Variants in UNC13B observed in about 807,000 individuals in gnomAD.
UNC13B encodes the protein unc-13 homolog B.
Under a neutral mutation model 211.0 loss-of-function variants are expected in UNC13B, and 144 were observed. That is an observed-to-expected ratio of 0.68 (90% CI 0.60 to 0.78). The LOEUF is 0.78. UNC13B is among the 30% of genes least tolerant of loss of function. The pLI is 0.00. For synonymous variants in UNC13B, 709 were observed against 725.8 expected, an observed-to-expected ratio of 0.98 and a Z score of 0.37; for missense variants, 1,777 against 2,002.0, an observed-to-expected ratio of 0.89 and a Z score of 2.14.
At chr9:35,286,630 C>G (rs1260450184) in intron 7 of UNC13B, among the ~76,000 whole-genome samples, 2 of 151,954 alleles carry the variant, frequency 1.3e-5, no homozygotes, top group Non-Finnish European at 2.9e-5. Context: ...GAGGCTGAAG[C>G]AGTAGGATGA....
Position 35,306,530 on chromosome 9 carries a change from T to C in UNC13B, c.7126T>C (p.Phe2376Leu), listed in dbSNP as rs1829931169. The change falls in exon 9 of 40, where the codon TTT (phenylalanine) becomes CTT (leucine). Residue 2376 changes from phenylalanine (F) to leucine (L), a missense_variant. Transcript: ENST00000635942. ...AFPSDSLSNS[F>L]SHAKQLIEKF... ...CCCCAGTGACTCACTGTCCAACTCTTTTTCACATGCTAAACAGTTAATTGA... is the reference window on the plus strand; with the variant it reads ...CCCCAGTGACTCACTGTCCAACTCTCTTTCACATGCTAAACAGTTAATTGA... The C allele has an allele frequency of 2.5e-6, 1 of 398,868 alleles. No individual in the cohort carries two copies. Among genetic ancestry groups the C allele is most frequent in the South Asian group, 1.3e-4 (1 of 7,856 alleles). The allele number at this position is 398,868 out of a possible 1,614,324, so 24.7% of individuals were successfully genotyped here.
chr9:35,367,433 A>G (rs1292538841), intron 12 of UNC13B, among the ~76,000 whole-genome samples: 1 of 152,216 alleles, frequency 6.6e-6, no homozygotes, highest in Non-Finnish European at 1.5e-5. Context: ...ATACAGGCAT[A>G]CAGTGTGTAA....
At chr9:35,236,096 A>C (rs1825490983) in intron 3 of UNC13B, among the ~76,000 whole-genome samples, 1 of 150,692 alleles carries the variant, frequency 6.6e-6, no homozygotes, top group Non-Finnish European at 1.5e-5. Flanking sequence ...TCAAGGTAGT[A>C]AATATATTTA....
At chr9:35,375,598 G>C (rs143260887) in intron 14 of UNC13B, among the ~76,000 whole-genome samples, 1 of 152,324 alleles carries the variant, frequency 6.6e-6, no homozygotes, top group African/African-American at 2.4e-5. Context: ...GGCCAGGATA[G>C]AGCATCTTCT....
intron 1 of UNC13B, among the ~76,000 whole-genome samples, chr9:35,189,575 C>T (rs1262769612): frequency 2.6e-5 from 4 of 152,116 alleles, no homozygotes; most frequent in Non-Finnish European, 1.5e-5. Context: ...TTCTTTAACC[C>T]AATTAGAGCT....
intron 8 of UNC13B, among the ~76,000 whole-genome samples, chr9:35,297,129 C>T (rs1419673218): frequency 7.0e-6 from 1 of 143,788 alleles, no homozygotes; most frequent in Non-Finnish European, 1.5e-5. Context: ...CACTCTGTCT[C>T]CCAGGCTGGA....
Position 35,381,157 on chromosome 9 carries a change from A to G in UNC13B, c.10433A>G (p.Glu3478Gly), listed in dbSNP as rs376863483. 6.2e-7 allele frequency: 1 copy of G among 1,614,062 alleles called. No individual in the cohort carries two copies. The highest frequency in any genetic ancestry group is 1.3e-5 in the African/African-American group (1 of 74,936). ...GCTATCCGACTACAAATCAGTGTGGAGATCAAGGGGGAGGAGAAAGTAGCC... is the reference window on the plus strand; with the variant it reads ...GCTATCCGACTACAAATCAGTGTGGGGATCAAGGGGGAGGAGAAAGTAGCC... ...SGAIRLQISV[E>G]IKGEEKVAPY... The change falls in exon 19 of 40, where the codon GAG becomes GGG. Residue 3478 changes from glutamate to glycine, a missense_variant. Transcript: ENST00000635942.
intron 1 of UNC13B, among the ~76,000 whole-genome samples, chr9:35,171,679 C>A (rs1212508018): frequency 6.6e-6 from 1 of 152,204 alleles, no homozygotes; most frequent in African/African-American, 2.4e-5. Flanking sequence ...TCTGAGGTGA[C>A]ATGCATGAGC....
At chr9:35,261,097 A>G (rs1827246957) in intron 7 of UNC13B, among the ~76,000 whole-genome samples, 1 of 152,134 alleles carries the variant, frequency 6.6e-6, no homozygotes, top group African/African-American at 2.4e-5. Context: ...TGTTAAACCT[A>G]TAGAAAAGTT....
chr9:35,345,083 G>GT (rs1008476150), intron 11 of UNC13B, among the ~76,000 whole-genome samples: 9 of 152,170 alleles, frequency 5.9e-5, no homozygotes, highest in Admixed American at 1.3e-4. Context: ...ATAGAGATGG[G>GT]TTTTTTTGTG....
At chr9:35,343,494 A>G (rs1012092503) in intron 11 of UNC13B, among the ~76,000 whole-genome samples, 1 of 152,178 alleles carries the variant, frequency 6.6e-6, no homozygotes, top group Non-Finnish European at 1.5e-5. Flanking sequence ...TGAAAGGGTC[A>G]GGTGGAGAGG....
intron 11 of UNC13B, 64 bp from the exon 12 acceptor site, chr9:35,366,883 C>A: frequency 7.1e-7 from 1 of 1,399,610 alleles, no homozygotes; most frequent in Non-Finnish European, 1.0e-6. Flanking sequence ...CTGCTCGCTG[C>A]TCAGATTACA....
At chr9:35,285,633 G>C (rs746118755) in intron 7 of UNC13B, among the ~76,000 whole-genome samples, 1 of 152,116 alleles carries the variant, frequency 6.6e-6, no homozygotes, top group Non-Finnish European at 1.5e-5. Context: ...AGGAGGATTG[G>C]TTGAGGCAGC....
At chr9:35,169,246 T>C (rs1451312200) in intron 1 of UNC13B, among the ~76,000 whole-genome samples, 2 of 152,140 alleles carry the variant, frequency 1.3e-5, no homozygotes, top group Admixed American at 6.6e-5. Context: ...TCTCAGCTAC[T>C]TGGGAGGCGA....
At chr9:35,241,924 G>C (rs1420709803) in intron 5 of UNC13B, among the ~76,000 whole-genome samples, 1 of 152,172 alleles carries the variant, frequency 6.6e-6, no homozygotes, top group Non-Finnish European at 1.5e-5. Flanking sequence ...GGAAGGAGCT[G>C]AAGTTTTGGA....
intron 11 of UNC13B, among the ~76,000 whole-genome samples, chr9:35,318,479 A>G (rs1223270743): frequency 1.3e-5 from 2 of 152,188 alleles, no homozygotes; most frequent in Admixed American, 1.3e-4. Context: ...ATATCTGTCT[A>G]CAAGTACAAG....
rs1438039619 is a variant in UNC13B at position 35,162,281 on chromosome 9, G to T, written c.-3G>T. ...GCGGCAGAGGCTTGCCCGATCCTCG[G>T]CCATGTCACTGCTCTGCGTGCGCGG... On this transcript the variant is annotated 5_prime_UTR_variant, in exon 1 of 40. Coordinates refer to ENST00000635942, the MANE Select transcript of UNC13B (RefSeq NM_001371189.2). The T allele has an allele frequency of 6.5e-7, 1 of 1,542,126 alleles. No individual in the cohort carries two copies. Among genetic ancestry groups the T allele is most frequent in the South Asian group, 1.2e-5 (1 of 84,182 alleles).
intron 1 of UNC13B, among the ~76,000 whole-genome samples, chr9:35,218,300 A>G (rs1352057873): frequency 2.6e-5 from 4 of 152,058 alleles, no homozygotes; most frequent in Admixed American, 2.0e-4. Flanking sequence ...TGCAGCTACT[A>G]TTATTATATT....
At chr9:35,257,219 G>A (rs1442252863) in intron 6 of UNC13B, among the ~76,000 whole-genome samples, 1 of 151,170 alleles carries the variant, frequency 6.6e-6, no homozygotes, top group Non-Finnish European at 1.5e-5. Flanking sequence ...AGCACTTTGG[G>A]AGGCTGAGGC....
Sources: allele counts gnomAD v4.1 joint callset (sites outside exome capture counted in the v4.1 genomes callset), GRCh38; gene constraint gnomAD v4.1.1; transcripts MANE v1.5; gene names NCBI Gene and HGNC (gene_info 2026-07-23, HGNC 2026-07-21).